Variants in SLX4IP observed in about 807,000 individuals in gnomAD.
SLX4IP encodes protein SLX4IP.
Under a neutral mutation model 32.9 loss-of-function variants are expected in SLX4IP, and 34 were observed. The observed-to-expected ratio is 1.03, with a 90% CI of 0.79 to 1.38. The LOEUF is 1.38. Ranked by LOEUF, SLX4IP falls within the 40% of genes most tolerant of loss-of-function variation. SLX4IP has a pLI of 0.00. For missense variants in SLX4IP, 444 were observed against 479.0 expected (o/e 0.93, Z 0.68); for synonymous variants, 172 against 171.7 (o/e 1.00, Z -0.01).
intron 2 of SLX4IP, among the ~76,000 whole-genome samples, chr20:10,527,722 A>G (rs1022796836): frequency 1.6e-5 from 2 of 122,460 alleles, no homozygotes; most frequent in Admixed American, 1.7e-4. Flanking sequence ...CAAAATTATC[A>G]TCTCTGTTAG....
At chr20:10,526,107 T>C (rs1477418500) in intron 2 of SLX4IP, among the ~76,000 whole-genome samples, 1 of 152,214 alleles carries the variant, frequency 6.6e-6, no homozygotes, top group Non-Finnish European at 1.5e-5. Context: ...CCCTCCTTCC[T>C]TCATGCGCAC....
chr20:10,605,259 C>T (rs757421584), intron 6 of SLX4IP, among the ~76,000 whole-genome samples: 11 of 152,192 alleles, frequency 7.2e-5, no homozygotes, highest in Non-Finnish European at 1.3e-4. Context: ...GATCAGCCTT[C>T]CCATCTGTTT....
intron 4 of SLX4IP, among the ~76,000 whole-genome samples, chr20:10,585,698 T>C (rs550877785): frequency 2.6e-5 from 4 of 152,234 alleles, no homozygotes; most frequent in African/African-American, 9.6e-5. Context: ...GCAATTCTCC[T>C]GCCTCAGCCT....
intron 2 of SLX4IP, among the ~76,000 whole-genome samples, chr20:10,463,364 A>G (rs1238408579): frequency 6.6e-6 from 1 of 152,168 alleles, no homozygotes; most frequent in Non-Finnish European, 1.5e-5. Flanking sequence ...GTTTCTGGGC[A>G]GATAATAGAG....
At chr20:10,561,727 T>G (rs1274176592) in intron 4 of SLX4IP, among the ~76,000 whole-genome samples, 2 of 152,146 alleles carry the variant, frequency 1.3e-5, no homozygotes, top group African/African-American at 4.8e-5. Context: ...CTTTGCATCG[T>G]CATAGTTTAG....
chr20:10,604,957 G>GT (rs1206927467), intron 6 of SLX4IP, among the ~76,000 whole-genome samples: 1 of 151,886 alleles, frequency 6.6e-6, no homozygotes, highest in Admixed American at 6.6e-5. Flanking sequence ...TTTCCTCACC[G>GT]TTTTTTTCCT....
At chr20:10,601,918 G>A in intron 6 of SLX4IP, 99 bp downstream of exon 6, 1 of 1,014,828 alleles carries the variant, frequency 9.9e-7, no homozygotes. Flanking sequence ...TCATTCAGCT[G>A]ATGAGCACCC....
intron 1 of SLX4IP, among the ~76,000 whole-genome samples, chr20:10,453,972 T>C (rs1420762262): frequency 6.6e-6 from 1 of 152,198 alleles, no homozygotes; most frequent in Non-Finnish European, 1.5e-5. Context: ...ATTGTTTTAG[T>C]TTGTTGTCTT....
In SLX4IP at chr20:10,622,849, T is replaced by G. The variant is rs1220051998; in HGVS notation, c.697T>G (p.Trp233Gly). ...KDSIKAAESH[W>G]GLPVQKLEKV... is the part of the protein sequence containing the mutation. ...TTCCATAAAGGCAGCTGAGAGCCACTGGGGGCTTCCTGTTCAAAAGCTGGA... is the reference window on the plus strand; with the variant it reads ...TTCCATAAAGGCAGCTGAGAGCCACGGGGGGCTTCCTGTTCAAAAGCTGGA... Residue 233 changes from tryptophan to glycine, a missense_variant, in exon 8 of 8, where the codon TGG (tryptophan) becomes GGG (glycine). Coordinates refer to ENST00000334534, the MANE Select transcript of SLX4IP (RefSeq NM_001009608.3). 2 of 1,613,956 alleles carry G rather than the reference T, an allele frequency of 1.2e-6. No homozygotes were observed. The highest frequency in any genetic ancestry group is 2.7e-5 in the African/African-American group (2 of 74,886).
chr20:10,472,374 T>G (rs1391859258), intron 2 of SLX4IP, among the ~76,000 whole-genome samples: 2 of 151,756 alleles, frequency 1.3e-5, no homozygotes, highest in African/African-American at 4.8e-5. Flanking sequence ...GGGACTACAG[T>G]CGCCTGCCAC....
Position 10,452,680 on chromosome 20 carries a change from A to AAATAT in SLX4IP, c.-29-5495_-29-5494insATATA, listed in dbSNP as rs1326662021. On this transcript the variant is annotated intron_variant, in intron 1 of 7. Transcript: ENST00000334534. ...AAACTGTCTCAAAAAAAAAAAAAAA[A>AAATAT]ATATATATATATATATGTAAATTAG... Among the ~76,000 whole-genome samples the AAATAT allele has an allele frequency of 5.0e-3, 543 of 109,494 alleles. 1 individual carries two copies. Among genetic ancestry groups the AAATAT allele is most frequent in the Non-Finnish European group, 7.1e-3 (394 of 55,310 alleles). 71.8% of individuals were successfully genotyped at this position (109,494 alleles called of 152,430 possible).
chr20:10,611,304 T>G (rs755365937), intron 6 of SLX4IP, among the ~76,000 whole-genome samples: 26 of 152,180 alleles, frequency 1.7e-4, no homozygotes, highest in Non-Finnish European at 2.8e-4. Flanking sequence ...ACCTTTTCAT[T>G]TTCACGAGAC....
chr20:10,452,678 A>ATATATATATATAT (rs1365793671), intron 1 of SLX4IP, among the ~76,000 whole-genome samples: 10 of 97,784 alleles, frequency 1.0e-4, no homozygotes, highest in African/African-American at 3.6e-4. Flanking sequence ...AAAAAAAAAA[A>ATATATATATATAT]AAATATATAT....
intron 1 of SLX4IP, among the ~76,000 whole-genome samples, chr20:10,435,699 A>G (rs529862891): frequency 1.3e-5 from 2 of 152,326 alleles, no homozygotes; most frequent in South Asian, 2.1e-4. Context: ...CACAAAGGGA[A>G]TGCAGTAGAT....
At chr20:10,494,311 G>A (rs2065649460) in intron 2 of SLX4IP, among the ~76,000 whole-genome samples, 1 of 151,214 alleles carries the variant, frequency 6.6e-6, no homozygotes, top group Middle Eastern at 3.2e-3. Context: ...TTCTAGGGCG[G>A]AGGATGGAAA....
At chr20:10,509,845 T>G (rs986752987) in intron 2 of SLX4IP, among the ~76,000 whole-genome samples, 1 of 152,160 alleles carries the variant, frequency 6.6e-6, no homozygotes, top group African/African-American at 2.4e-5. Flanking sequence ...TGTACCACCA[T>G]GCCTAACTAT....
chr20:10,506,666 A>G (rs1427637808), intron 2 of SLX4IP, among the ~76,000 whole-genome samples: 2 of 152,196 alleles, frequency 1.3e-5, no homozygotes, highest in African/African-American at 4.8e-5. Flanking sequence ...ACAAATGCAC[A>G]TTTTCTTCTC....
At chr20:10,538,413 C>A (rs2066068604) in intron 2 of SLX4IP, among the ~76,000 whole-genome samples, 1 of 152,178 alleles carries the variant, frequency 6.6e-6, no homozygotes, top group African/African-American at 2.4e-5. Context: ...TAGATGCCAG[C>A]TGTGACAGTC....
rs2065773203 is a variant in SLX4IP at position 10,507,923 on chromosome 20, TATATGTATATTTGAGATATATATAC to T, written c.28-48306_28-48282del. 7.0e-5 allele frequency among the ~76,000 whole-genome samples: 10 copies of T among 142,406 alleles called. No homozygotes were observed. In the South Asian group the frequency reaches 2.3e-3, roughly 33 times the overall value. The allele number at this position is 142,406 out of a possible 152,430, so 93.4% of individuals were successfully genotyped here. A position where few individuals can be genotyped will look rare whatever the true frequency, so the allele number is the denominator to read the frequency against. On this transcript the variant is annotated intron_variant, in intron 2 of 7. Coordinates refer to ENST00000334534, the MANE Select transcript of SLX4IP (RefSeq NM_001009608.3). Reference sequence around the variant, plus strand: ...TCTCCTTTATATATATATATATACATATATGTATATTTGAGATATATATACACATATGTGTATATTTGATATATAT... The same window carrying T: ...TCTCCTTTATATATATATATATACATACATATGTGTATATTTGATATATAT...
Sources: gnomAD v4.1 joint callset for allele counts (sites outside exome capture counted in the v4.1 genomes callset) on GRCh38, gnomAD v4.1.1 for gene constraint, MANE v1.5 for transcripts, NCBI Gene and HGNC (gene_info 2026-07-23, HGNC 2026-07-21) for gene names.